IL1RAPL2: variants seen among roughly 807,000 people sequenced by gnomAD.
IL1RAPL2 encodes the protein X-linked interleukin-1 receptor accessory protein-like 2.
Under a neutral mutation model 44.1 loss-of-function variants are expected in IL1RAPL2, and 3 were observed. The ratio of observed to expected loss-of-function variants is 0.07; its 90% CI spans 0.03 to 0.18. The LOEUF is 0.18. Among genes scored for constraint, IL1RAPL2 ranks in the 10% least tolerant of loss-of-function variants. The probability of loss-of-function intolerance (pLI) is 1.00; values close to 1 mark genes in which losing one functional copy is unlikely to be tolerated. For missense variants in IL1RAPL2, 391 were observed against 496.4 expected (o/e 0.79, Z 2.02); for synonymous variants, 181 against 178.8 (o/e 1.01, Z -0.10).
chrX:104,655,936 C>T (rs772564867), intron 1 of IL1RAPL2, among the ~76,000 whole-genome samples: 2 of 111,718 alleles, frequency 1.8e-5, no homozygotes, highest in African/African-American at 6.5e-5. Context: ...TCCATTTCTT[C>T]TAGATTTTCT....
chrX:104,718,602 TCC>T (rs1931622140), intron 2 of IL1RAPL2, among the ~76,000 whole-genome samples: 2 of 111,176 alleles, frequency 1.8e-5, no homozygotes, highest in African/African-American at 6.5e-5. Flanking sequence ...GTGGCTTGTT[TCC>T]CCTTCACCTT....
rs754254247 is a variant in IL1RAPL2, at chrX:105,148,007, T to G, written c.83-47468T>G. Among the ~76,000 whole-genome samples the G allele has an allele frequency of 4.5e-5, 5 of 111,346 alleles. No individual in the cohort carries two copies. The South Asian group carries it at 1.9e-3, about 43-fold the overall frequency. On this transcript the variant is annotated intron_variant, in intron 2 of 10. Transcript: ENST00000372582. The stretch of plus-strand genomic sequence containing the variant: ...CAGTAGGGTAAACAAACCTAATTAT[T>G]AAAAAGAGTTGCTCTTTTCCTGTCT...
At chrX:105,666,402 A>T (rs1236491619) in intron 6 of IL1RAPL2, among the ~76,000 whole-genome samples, 1 of 111,211 alleles carries the variant, frequency 9.0e-6, no homozygotes, top group Non-Finnish European at 1.9e-5. Context: ...TTAGTGAGGG[A>T]TTTAGTGTCA....
chrX:105,486,805 T>C (rs1355099242), intron 6 of IL1RAPL2, among the ~76,000 whole-genome samples: 1 of 110,256 alleles, frequency 9.1e-6, no homozygotes, highest in Non-Finnish European at 1.9e-5. Context: ...AAAATGTACA[T>C]GATAAGCCCA....
intron 2 of IL1RAPL2, among the ~76,000 whole-genome samples, chrX:104,815,350 G>T (rs1311664413): frequency 1.8e-5 from 2 of 111,032 alleles, no homozygotes; most frequent in East Asian, 5.7e-4. Flanking sequence ...CTCTAGGGGA[G>T]AATTAGTTTC....
chrX:105,053,014 G>A (rs1239378149), intron 2 of IL1RAPL2, among the ~76,000 whole-genome samples: 1 of 110,364 alleles, frequency 9.1e-6, no homozygotes, highest in African/African-American at 3.3e-5. Flanking sequence ...GAGGATGATG[G>A]CTAGAATAAT....
chrX:104,712,390 A>G lies in IL1RAPL2; in HGVS notation c.82+53395A>G, dbSNP rs1453188688. On this transcript the variant is annotated intron_variant, in intron 2 of 10. Coordinates refer to ENST00000372582, the MANE Select transcript of IL1RAPL2 (RefSeq NM_017416.2). Reference sequence around the variant, plus strand: ...ATAATGAAAAGAGTGAAGTGAAAAGATAAGACTAGGGTTTAAACGACAGCT... The same window carrying G: ...ATAATGAAAAGAGTGAAGTGAAAAGGTAAGACTAGGGTTTAAACGACAGCT... Among the ~76,000 whole-genome samples the G allele has an allele frequency of 1.8e-5, 2 of 110,889 alleles. 1 individual carries two copies. Among genetic ancestry groups the G allele is most frequent in the Admixed American group, 1.9e-4 (2 of 10,370 alleles).
chrX:104,809,369 C>T (rs1932953165), intron 2 of IL1RAPL2, among the ~76,000 whole-genome samples: 1 of 111,454 alleles, frequency 9.0e-6, no homozygotes, highest in Admixed American at 9.5e-5. Context: ...CCTATTTCTC[C>T]ACATCCTCTC....
chrX:105,666,642 AC>A (rs1271779272), intron 6 of IL1RAPL2, among the ~76,000 whole-genome samples: 1 of 112,037 alleles, frequency 8.9e-6, no homozygotes, highest in Non-Finnish European at 1.9e-5. Flanking sequence ...ATCCATAGAA[AC>A]AGGACTTGAA....
chrX:105,741,081 C>T (rs1388628042), intron 8 of IL1RAPL2, among the ~76,000 whole-genome samples: 1 of 110,795 alleles, frequency 9.0e-6, no homozygotes, highest in Non-Finnish European at 1.9e-5. Flanking sequence ...CTTTTTTATT[C>T]CCTGACTAAA....
intron 2 of IL1RAPL2, among the ~76,000 whole-genome samples, chrX:104,981,887 C>G (rs1387078630): frequency 9.0e-6 from 1 of 110,978 alleles, no homozygotes; most frequent in East Asian, 2.8e-4. Flanking sequence ...GTTGAACCAA[C>G]CTTCCAAATA....
rs2038740411 is a variant in IL1RAPL2, at chrX:105,767,339, A to G, written c.1739A>G (p.Glu580Gly). 1.7e-6 allele frequency: 2 copies of G among 1,210,085 alleles called. No individual in the cohort carries two copies. Among genetic ancestry groups the G allele is most frequent in the Admixed American group, 4.4e-5 (2 of 45,828 alleles). ...TCCGCAGAACAAGGACTTTTTGGAG[A>G]ACTCCAGCCTATACCCTCTATTGCC... ...LDSAEQGLFG[E>G]LQPIPSIAMT... Residue 580 changes from glutamate to glycine, a missense_variant, in exon 11 of 11, where the codon GAA becomes GGA. Around this residue, in one of 2 missense-constraint regions of IL1RAPL2, gnomAD observed 232 missense variants for 244.8 expected, o/e 0.95. Transcript: ENST00000372582.
At chrX:105,338,863 G>C (rs2035049003) in intron 5 of IL1RAPL2, among the ~76,000 whole-genome samples, 1 of 111,656 alleles carries the variant, frequency 9.0e-6, no homozygotes, top group Non-Finnish European at 1.9e-5. Flanking sequence ...ACTTTTGGAG[G>C]CTGAGGTGGA....
chrX:105,406,286 T>G, intron 5 of IL1RAPL2: 1 of 1,048,677 alleles, frequency 9.5e-7, no homozygotes, highest in Admixed American at 2.2e-5. Flanking sequence ...AGGCGCTTTC[T>G]TAATTGACCG....
intron 6 of IL1RAPL2, among the ~76,000 whole-genome samples, chrX:105,710,881 A>G: frequency 9.3e-6 from 1 of 107,758 alleles, no homozygotes; most frequent in East Asian, 2.9e-4. Flanking sequence ...CTGATAGAAA[A>G]GGCCAGTGTG....
intron 2 of IL1RAPL2, among the ~76,000 whole-genome samples, chrX:104,904,619 A>G (rs1255991442): frequency 2.7e-5 from 3 of 109,771 alleles, no homozygotes; most frequent in East Asian, 2.9e-4. Context: ...ATGTCCCTAC[A>G]AAGGACATGA....
At chrX:104,774,933 G>A (rs538026175) in intron 2 of IL1RAPL2, among the ~76,000 whole-genome samples, 3 of 111,242 alleles carry the variant, frequency 2.7e-5, no homozygotes, top group South Asian at 3.8e-4. Flanking sequence ...GCTCTATTAC[G>A]TTCTTTTACC....
chrX:104,609,512 A>G (rs760951530), intron 1 of IL1RAPL2, among the ~76,000 whole-genome samples: 1 of 112,162 alleles, frequency 8.9e-6, no homozygotes, highest in South Asian at 3.7e-4. Flanking sequence ...TGGTCTCTTC[A>G]CATAGTCCCA....
chrX:105,719,209 C>A (rs2038281829), intron 7 of IL1RAPL2, among the ~76,000 whole-genome samples: 1 of 111,044 alleles, frequency 9.0e-6, no homozygotes, highest in Non-Finnish European at 1.9e-5. Flanking sequence ...TATTATTTAA[C>A]CATAAAAAAC....
Sources: allele counts gnomAD v4.1 joint callset (sites outside exome capture counted in the v4.1 genomes callset), GRCh38; gene constraint gnomAD v4.1.1; regional missense constraint gnomAD v4.1.1; transcripts MANE v1.5; gene names NCBI Gene and HGNC (gene_info 2026-07-23, HGNC 2026-07-21).